Variants in AGBL1 observed in about 807,000 individuals in gnomAD.
AGBL1 encodes AGBL carboxypeptidase 1, also known as cytosolic carboxypeptidase 4.
A neutral mutation model predicts 118.9 loss-of-function variants in AGBL1; 130 were observed. The observed-to-expected ratio is 1.09, with a 90% confidence interval of 0.95 to 1.26. The LOEUF is 1.26. AGBL1 is among the 50% of genes most tolerant of loss of function. AGBL1 has a pLI of 0.00. For synonymous variants in AGBL1, 555 were observed against 478.9 expected, an observed-to-expected ratio of 1.16 and a Z score of -2.08; for missense variants, 1,584 against 1,298.1, an observed-to-expected ratio of 1.22 and a Z score of -3.38.
At chr15:86,600,119 A>G (rs934762450) in intron 21 of AGBL1, among the ~76,000 whole-genome samples, 5 of 152,130 alleles carry the variant, frequency 3.3e-5, no homozygotes, top group African/African-American at 1.2e-4. Flanking sequence ...CTGAGCATGT[A>G]TAGAATGTGC....
chr15:86,546,059 A>G lies in AGBL1; in HGVS notation c.2743A>G (p.Ser915Gly). 6.2e-7 allele frequency: 1 copy of G among 1,613,322 alleles called. No homozygotes were observed. The highest frequency in any genetic ancestry group is 8.5e-7 in the Non-Finnish European group (1 of 1,179,470). ...QKKNVFLYGC[S>G]IKETLWQAAC... ...GAAGAATGTGTTCCTTTATGGCTGT[A>G]GCATCAAGGAAACCTTGTGGCAAGC... Residue 915 changes from serine (S) to glycine (G), a missense_variant, in exon 20 of 23, where the codon AGC (serine) becomes GGC (glycine). Ser to Gly is a moderately conservative substitution (Grantham distance 56). Transcript: ENST00000614907.
intron 23 of AGBL1, among the ~76,000 whole-genome samples, chr15:86,946,861 A>G (rs1567253575): frequency 6.9e-6 from 1 of 145,976 alleles, no homozygotes; most frequent in African/African-American, 2.6e-5. Context: ...AAAAAAAAAA[A>G]CAAAATAGAA....
chr15:86,976,738 A>G (rs903203841), intron 23 of AGBL1, among the ~76,000 whole-genome samples: 1 of 151,158 alleles, frequency 6.6e-6, no homozygotes, highest in African/African-American at 2.4e-5. Flanking sequence ...ATTTTTTTTT[A>G]AATTCGTATC....
At chr15:86,334,286 A>T (rs907465039) in intron 17 of AGBL1, among the ~76,000 whole-genome samples, 1 of 152,204 alleles carries the variant, frequency 6.6e-6, no homozygotes, top group African/African-American at 2.4e-5. Flanking sequence ...ACTCCACCAC[A>T]AGGCTCCTAG....
At chr15:87,023,344 A>C (rs920088324) in intron 24 of AGBL1, among the ~76,000 whole-genome samples, 17 of 152,014 alleles carry the variant, frequency 1.1e-4, no homozygotes, top group African/African-American at 3.9e-4. Context: ...TTATGTAAGA[A>C]AAAACAAACT....
At chr15:86,967,178 T>G (rs1175640967) in intron 23 of AGBL1, among the ~76,000 whole-genome samples, 2 of 152,108 alleles carry the variant, frequency 1.3e-5, no homozygotes, top group Admixed American at 6.6e-5. Flanking sequence ...GGGTTGTTTG[T>G]TTTTTTCTTG....
rs558154933 is a variant in AGBL1 at position 86,380,573 on chromosome 15, C to T, written c.2375-16793C>T. Among the ~76,000 whole-genome samples, 686 of 147,712 alleles carry T rather than the reference C, an allele frequency of 4.6e-3. 2 individuals carry two copies. The highest frequency in any genetic ancestry group is 7.2e-3 in the Non-Finnish European group (481 of 66,992). ...CTTCTTCCTCCGTCCCTTTCCCCTC[C>T]CTCACTCCCTCCCTATGGCATATTC... On this transcript the variant is annotated intron_variant, in intron 17 of 22. Transcript: ENST00000614907.
chr15:86,548,585 C>A, intron 20 of AGBL1, among the ~76,000 whole-genome samples: 1 of 151,818 alleles, frequency 6.6e-6, no homozygotes, highest in East Asian at 1.9e-4. Context: ...ACTGGGGCTG[C>A]TCCTGACACC....
rs747134981 is a variant in AGBL1 at position 86,987,990 on chromosome 15, A to G, written c.3225A>G (p.Leu1075=). 10 of 1,613,434 alleles carry G rather than the reference A, an allele frequency of 6.2e-6. No individual in the cohort carries two copies. In the South Asian group the frequency reaches 1.1e-4, roughly 18 times the overall value. ...CTCATTTATCTGAACATTACAGATT[A>G]AAATCATCCAATTTCCTGCCAAAGC... Residue 1075 remains leucine (L), a synonymous_variant, in exon 24 of 25, where the codon TTA becomes TTG. Transcript: ENST00000441037.
intron 17 of AGBL1, among the ~76,000 whole-genome samples, chr15:86,348,112 G>A (rs1348988259): frequency 6.6e-6 from 1 of 152,148 alleles, no homozygotes; most frequent in Non-Finnish European, 1.5e-5. Flanking sequence ...TGCTTTCCAT[G>A]CTGGCTTTCC....
intron 22 of AGBL1, among the ~76,000 whole-genome samples, chr15:86,766,074 A>G (rs1419493053): frequency 2.6e-5 from 4 of 151,946 alleles, no homozygotes; most frequent in Admixed American, 6.6e-5. Context: ...TTAATAATTC[A>G]CCTGCATTCA....
intron 17 of AGBL1, among the ~76,000 whole-genome samples, chr15:86,364,988 T>TATATATAC (rs1382882995): frequency 9.7e-6 from 1 of 103,584 alleles, no homozygotes; most frequent in East Asian, 2.8e-4. Context: ...TATATATATA[T>TATATATAC]ACACACACAC....
chr15:86,305,994 AT>A (rs199518419), intron 17 of AGBL1, among the ~76,000 whole-genome samples: 1,768 of 151,906 alleles, frequency 0.012, 35 homozygotes, highest in African/African-American at 0.038. Context: ...AGTTTTTAAA[AT>A]TTTTTTTAAT....
intron 11 of AGBL1, 33 bp from the exon 12 acceptor site, chr15:86,266,341 G>A (rs745534949): frequency 5.3e-6 from 8 of 1,519,836 alleles, no homozygotes; most frequent in Admixed American, 4.0e-5. Context: ...AGAGAAGGCC[G>A]ACCCTTAAAA....
intron 1 of AGBL1, among the ~76,000 whole-genome samples, chr15:86,097,983 G>C (rs184211025): frequency 2.0e-5 from 3 of 152,074 alleles, no homozygotes; most frequent in African/African-American, 7.2e-5. Flanking sequence ...GCATCTGATA[G>C]TTTTTGTCTT....
At chr15:86,846,299 C>T (rs763243101) in intron 22 of AGBL1, among the ~76,000 whole-genome samples, 1 of 152,066 alleles carries the variant, frequency 6.6e-6, no homozygotes, top group African/African-American at 2.4e-5. Flanking sequence ...TTTGTGTGAT[C>T]GTTTTGCTTT....
At chr15:86,939,524 T>C (rs191174977) in intron 23 of AGBL1, 8 of 152,270 alleles carry the variant, frequency 5.3e-5, no homozygotes, top group African/African-American at 1.7e-4. Flanking sequence ...AGCCTGCAGA[T>C]AGCCTATTGT....
intron 22 of AGBL1, among the ~76,000 whole-genome samples, chr15:86,864,805 G>C (rs114339937): frequency 6.6e-6 from 1 of 152,284 alleles, no homozygotes; most frequent in African/African-American, 2.4e-5. Context: ...CAACGGTGCA[G>C]CAAGTCGCCC....
chr15:87,023,505 A>G (rs1459711220), intron 24 of AGBL1, among the ~76,000 whole-genome samples: 1 of 152,086 alleles, frequency 6.6e-6, no homozygotes, highest in Non-Finnish European at 1.5e-5. Flanking sequence ...GACCTAAGAA[A>G]TGAGATAGAC....
Sources: allele counts gnomAD v4.1 joint callset (sites outside exome capture counted in the v4.1 genomes callset), GRCh38; gene constraint gnomAD v4.1.1; transcripts MANE v1.5; gene names NCBI Gene and HGNC (gene_info 2026-07-23, HGNC 2026-07-21).